The following DOCK10 variants were observed in gnomAD, a reference collection of about 807,000 sequenced individuals.
DOCK10 encodes dedicator of cytokinesis 10, also known as dedicator of cytokinesis protein 10.
A neutral mutation model predicts 280.1 loss-of-function variants in DOCK10; 145 were observed. The ratio of observed to expected loss-of-function variants is 0.52; its 90% CI spans 0.45 to 0.59. The LOEUF is 0.59. Ranked by LOEUF, DOCK10 falls within the 20% of genes least tolerant of loss-of-function variation. The pLI is 0.00. For synonymous variants in DOCK10, 915 were observed against 942.2 expected (o/e 0.97, Z 0.53); for missense variants, 2,368 against 2,651.7 (o/e 0.89, Z 2.35).
At chr2:225,032,705 C>G (rs182787216) in intron 1 of DOCK10, among the ~76,000 whole-genome samples, 1 of 152,240 alleles carries the variant, frequency 6.6e-6, no homozygotes, top group African/African-American at 2.4e-5. Flanking sequence ...ATTTGTCATT[C>G]TAAAGAGCTG....
At chr2:224,933,287 CCCAGG>C (rs1702502955) in intron 1 of DOCK10, among the ~76,000 whole-genome samples, 1 of 152,108 alleles carries the variant, frequency 6.6e-6, no homozygotes, top group Non-Finnish European at 1.5e-5. Context: ...TTCCTTATTT[CCCAGG>C]CAAAGGTTAA....
chr2:225,016,654 T>TACATGTATCTATGTGC (rs1689612199), intron 1 of DOCK10, among the ~76,000 whole-genome samples: 4 of 6,292 alleles, frequency 6.4e-4, no homozygotes, highest in Admixed American at 1.9e-3. Context: ...TGCACATAGA[T>TACATGTATCTATGTGC]ACATAGATAC....
chr2:224,909,174 C>T (rs1308897889), intron 3 of DOCK10, among the ~76,000 whole-genome samples: 3 of 152,254 alleles, frequency 2.0e-5, no homozygotes, highest in East Asian at 1.9e-4. Context: ...ATAAAAGCTT[C>T]GTTATAGAAG....
chr2:224,800,364 T>A, intron 40 of DOCK10, 101 bp from the exon 41 acceptor site: 1 of 593,848 alleles, frequency 1.7e-6, no homozygotes, highest in Non-Finnish European at 2.9e-6. Context: ...TTTGCTGGCA[T>A]TTTGATTAAT....
Position 224,989,953 on chromosome 2 carries a change from G to T in DOCK10, c.123+52299C>A, listed in dbSNP as rs184533419. On this transcript the variant is annotated intron_variant, in intron 1 of 55. Coordinates refer to ENST00000258390, the MANE Select transcript of DOCK10 (RefSeq NM_014689.3). ...GTCTTCATTTTCACTTAATTATAGT[G>T]GCCTCCTCTTTGCAGGCATCTTTCC... 1.2e-4 allele frequency among the ~76,000 whole-genome samples: 18 copies of T among 152,094 alleles called. No individual in the cohort carries two copies. In the East Asian group the frequency reaches 3.3e-3, roughly 28 times the overall value.
At chr2:224,769,245 A>G (rs998413325) in intron 55 of DOCK10, among the ~76,000 whole-genome samples, 2 of 152,194 alleles carry the variant, frequency 1.3e-5, no homozygotes, top group Admixed American at 1.3e-4. Flanking sequence ...TCTAGCTACA[A>G]TGGAGAGTTA....
rs753788864 is a variant in DOCK10 at position 224,885,728 on chromosome 2, T to C, written c.690A>G (p.Lys230=). The change falls in exon 7 of 56, where the codon AAA becomes AAG. Residue 230 remains lysine (K), a synonymous_variant. Coordinates refer to ENST00000258390, the MANE Select transcript of DOCK10 (RefSeq NM_014689.3). ...SYIMNFYKDE[K]ISKEPKGCIF... ...TGCATCCTTTGGGTTCTTTGGATAT[T>C]TTCTCATCTTTGTAAAAGTTCATAA... 48 of 1,613,738 alleles carry C rather than the reference T, an allele frequency of 3.0e-5. No homozygotes were observed. Among genetic ancestry groups the C allele is most frequent in the Non-Finnish European group, 3.9e-5 (46 of 1,179,844 alleles).
intron 31 of DOCK10, among the ~76,000 whole-genome samples, chr2:224,813,362 A>G (rs973797722): frequency 1.3e-5 from 2 of 151,862 alleles, no homozygotes; most frequent in African/African-American, 4.8e-5. Context: ...TGCCCAGCTG[A>G]TTTTTCTATT....
In DOCK10 at chr2:224,823,542, C is replaced by T. The variant is rs1368410176; in HGVS notation, c.3142G>A (p.Glu1048Lys). Residue 1048 changes from glutamate to lysine, a missense_variant, in exon 28 of 56, where the codon GAA (glutamate) becomes AAA (lysine). This residue lies in a region of DOCK10 where 1,159 missense variants were observed against 1,400.8 expected (regional missense o/e 0.83). Coordinates refer to ENST00000258390, the MANE Select transcript of DOCK10 (RefSeq NM_014689.3). ...ACGCTGTGGTTTGCCCTTCTTGTTTCTTCAAGTGCATCCTTGTATTTCCAA... is the reference window on the plus strand; with the variant it reads ...ACGCTGTGGTTTGCCCTTCTTGTTTTTTCAAGTGCATCCTTGTATTTCCAA... The part of the protein sequence containing the change: ...VIWKYKDALE[E>K]TRRANHSVAR... 6.2e-7 allele frequency: 1 copy of T among 1,608,840 alleles called. No homozygotes were observed. Among genetic ancestry groups the T allele is most frequent in the Admixed American group, 1.7e-5 (1 of 58,702 alleles).
intron 4 of DOCK10, among the ~76,000 whole-genome samples, chr2:224,888,086 C>T (rs916680946): frequency 1.3e-5 from 2 of 152,080 alleles, no homozygotes; most frequent in Non-Finnish European, 2.9e-5. Context: ...GAGATAAAGT[C>T]GCCAGCTTAT....
chr2:225,027,425 T>G (rs573512687), intron 1 of DOCK10, among the ~76,000 whole-genome samples: 6 of 152,336 alleles, frequency 3.9e-5, no homozygotes, highest in Admixed American at 2.0e-4. Context: ...TGAGATGGTT[T>G]GGATCTATGT....
chr2:225,041,805 C>T (rs1159769716), intron 1 of DOCK10, among the ~76,000 whole-genome samples: 1 of 152,150 alleles, frequency 6.6e-6, no homozygotes, highest in Non-Finnish European at 1.5e-5. Flanking sequence ...CCCTCTCTCT[C>T]AGCGCACTGG....
chr2:224,830,634 C>T (rs760323949), intron 26 of DOCK10, 22 bp from the exon 27 acceptor site: 65 of 1,460,956 alleles, frequency 4.4e-5, no homozygotes, highest in Middle Eastern at 1.8e-4. Context: ...AAAAAGGCAA[C>T]GAGACATTTA....
intron 26 of DOCK10, among the ~76,000 whole-genome samples, chr2:224,832,464 ACTTTTGACAAGACAGTCCTAATT>A (rs1227417417): frequency 6.6e-6 from 1 of 152,226 alleles, no homozygotes; most frequent in East Asian, 1.9e-4. Flanking sequence ...GCTGCGATAA[ACTTTTGACAAGACAGTCCTAATT>A]CCAGAAGACT....
At position 224,864,949 on chromosome 2, in the gene DOCK10, T is replaced by C; in HGVS notation, c.1396A>G (p.Asn466Asp). The change falls in exon 12 of 56, where the codon AAC becomes GAC. Residue 466 changes from asparagine to aspartate, a missense_variant. This residue lies in a region of DOCK10 where 1,209 missense variants were observed against 1,250.9 expected (regional missense o/e 0.97). Coordinates refer to ENST00000258390, the MANE Select transcript of DOCK10 (RefSeq NM_014689.3). ...LGASVALENG[N>D]IDTITPRQSE... ...TGTCTTGGAGTGATGGTGTCGATGT[T>C]GCCATTTTCCAAAGCCACAGAAGCC... The C allele has an allele frequency of 6.2e-7, 1 of 1,613,952 alleles. No individual in the cohort carries two copies. The highest frequency in any genetic ancestry group is 8.5e-7 in the Non-Finnish European group (1 of 1,179,878).
intron 3 of DOCK10, among the ~76,000 whole-genome samples, chr2:224,910,485 T>C (rs1470856930): frequency 1.3e-5 from 2 of 152,222 alleles, no homozygotes; most frequent in African/African-American, 2.4e-5. Context: ...ATCTGTCTAT[T>C]CCTGGTTGTC....
Position 224,786,212 on chromosome 2 carries a change from C to T in DOCK10, c.5655+810G>A, listed in dbSNP as rs573283622. ...ACTGAGCGAGATGATGGGCTGGGGG[C>T]AGAGGAAGTGTGAGGTCTGAGAGCC... On this transcript the variant is annotated intron_variant, in intron 50 of 55. Coordinates refer to ENST00000258390, the MANE Select transcript of DOCK10 (RefSeq NM_014689.3). This position sits in a 1 kb window ranked among gnomAD's most constrained non-coding sequence, Gnocchi z 4.7. Among the ~76,000 whole-genome samples the T allele has an allele frequency of 1.6e-4, 24 of 152,160 alleles. No individual in the cohort carries two copies. In the East Asian group the frequency reaches 4.6e-3, roughly 29 times the overall value.
intron 15 of DOCK10, among the ~76,000 whole-genome samples, chr2:224,855,265 G>T (rs1258339868): frequency 6.6e-6 from 1 of 152,102 alleles, no homozygotes; most frequent in African/African-American, 2.4e-5. Flanking sequence ...TACAAATCAG[G>T]GAGGGGTCAA....
At chr2:224,955,631 C>T (rs1703992813) in intron 1 of DOCK10, among the ~76,000 whole-genome samples, 2 of 152,194 alleles carry the variant, frequency 1.3e-5, no homozygotes, top group South Asian at 4.1e-4. Flanking sequence ...GTGTTTAATG[C>T]CTTGCATTGT....
Sources: gnomAD v4.1 joint callset for allele counts (sites outside exome capture counted in the v4.1 genomes callset) on GRCh38, gnomAD v4.1.1 for gene constraint, gnomAD v4.1.1 regional missense constraint, Gnocchi (gnomAD v3.1) non-coding constraint, MANE v1.5 for transcripts, NCBI Gene and HGNC (gene_info 2026-07-23, HGNC 2026-07-21) for gene names.